Variants in DAPK3 observed in about 807,000 individuals in gnomAD.
DAPK3 encodes the protein death associated protein kinase 3, also known as death-associated protein kinase 3.
DAPK3 carries 24 observed loss-of-function variants against 30.6 expected under a neutral mutation model. The observed-to-expected ratio is 0.78, with a 90% CI of 0.57 to 1.10. DAPK3 has a LOEUF of 1.10. DAPK3 is among the 50% of genes least tolerant of loss of function. The probability of loss-of-function intolerance (pLI) is 0.00; values close to 1 mark genes in which losing one functional copy is unlikely to be tolerated. For missense variants in DAPK3, 629 were observed against 657.3 expected (o/e 0.96, Z 0.47); for synonymous variants, 341 against 284.0 (o/e 1.20, Z -2.02).
Position 3,961,177 on chromosome 19 carries a change from G to A in DAPK3, c.630-16C>T, listed in dbSNP as rs1019834851. 4.4e-6 allele frequency: 7 copies of A among 1,606,300 alleles called. No homozygotes were observed. The highest frequency in any genetic ancestry group is 5.9e-6 in the Non-Finnish European group (7 of 1,176,524). ...ACCGCTCAGGCTGCGAGACAGGCGTGGGGGCTCAGTGGGGTCCTGGGCTCC... is the reference window on the plus strand; with the variant it reads ...ACCGCTCAGGCTGCGAGACAGGCGTAGGGGCTCAGTGGGGTCCTGGGCTCC... On this transcript the variant is annotated splice_polypyrimidine_tract_variant and intron_variant, in intron 6 of 8. Coordinates refer to ENST00000545797, the MANE Select transcript of DAPK3 (RefSeq NM_001348.3).
chr19:3,960,288 T>C (rs2039495267), intron 7 of DAPK3, among the ~76,000 whole-genome samples, 184 bp from the exon 8 acceptor site: 1 of 151,924 alleles, frequency 6.6e-6, no homozygotes, highest in South Asian at 2.1e-4. Flanking sequence ...TGGAGAGAGC[T>C]GAGACCTCAG....
At chr19:3,959,914 G>C (rs1200077422) in intron 8 of DAPK3, 145 bp downstream of exon 8, 3 of 694,350 alleles carry the variant, frequency 4.3e-6, no homozygotes, top group Non-Finnish European at 7.7e-6. Context: ...CCCAACCCCC[G>C]CCACACAGGC....
Position 3,963,674 on chromosome 19 carries a change from G to T in DAPK3, c.603-5C>A. ...TAGGTGATGACACCGATGCTCCTGGGGACAGACAAGAGGCAAGGGTCAGCG... is the reference window on the plus strand; with the variant it reads ...TAGGTGATGACACCGATGCTCCTGGTGACAGACAAGAGGCAAGGGTCAGCG... On this transcript the variant is annotated splice_polypyrimidine_tract_variant and splice_region_variant and intron_variant, in intron 5 of 8. Transcript: ENST00000545797. 2 of 1,536,420 alleles carry T rather than the reference G, an allele frequency of 1.3e-6. No homozygotes were observed. Among genetic ancestry groups the T allele is most frequent in the Non-Finnish European group, 1.8e-6 (2 of 1,141,920 alleles).
intron 2 of DAPK3, among the ~76,000 whole-genome samples, chr19:3,967,329 A>G (rs571450127): frequency 6.6e-6 from 1 of 152,258 alleles, no homozygotes; most frequent in Admixed American, 6.5e-5. Flanking sequence ...GCAGGCATCT[A>G]TAATCCCAGC....
In DAPK3 at chr19:3,959,337, C is replaced by A; in HGVS notation, c.1129G>T (p.Asp377Tyr). 6.3e-7 allele frequency: 1 copy of A among 1,591,030 alleles called. No homozygotes were observed. Among genetic ancestry groups the A allele is most frequent in the East Asian group, 2.2e-5 (1 of 44,534 alleles). The stretch of plus-strand genomic sequence containing the variant: ...AGCTCCTGCCGTAGCCTCCGCAGGT[C>A]CTGGCCCAGGCTGTCGCTCTCCTCG... ...YREESDSLGQ[D>Y]LRRLRQELLK... Residue 377 changes from aspartate to tyrosine, a missense_variant, in exon 9 of 9, where the codon GAC becomes TAC. Physicochemically the swap from Asp to Tyr is radical, Grantham distance 160 (BLOSUM62 -3). This residue lies in a region of DAPK3 where 323 missense variants were observed against 278.8 expected (regional missense o/e 1.16). Coordinates refer to ENST00000545797, the MANE Select transcript of DAPK3 (RefSeq NM_001348.3).
In DAPK3 at chr19:3,963,799, AT is replaced by A. The variant is rs934829420; in HGVS notation, c.602+71del. ...CCCAACAGCAGCAAGGCCCCGCTTC[AT>A]CCCCAGCTGCAGCACTGGCCTGCGC... On this transcript the variant is annotated intron_variant, in intron 5 of 8. Coordinates refer to ENST00000545797, the MANE Select transcript of DAPK3 (RefSeq NM_001348.3). 53 of 1,262,848 alleles carry A rather than the reference AT, an allele frequency of 4.2e-5. No individual in the cohort carries two copies. The Admixed American group carries it at 9.9e-4, about 24-fold the overall frequency. The allele number at this position is 1,262,848 out of a possible 1,614,324, so 78.2% of individuals were successfully genotyped here.
In DAPK3 at chr19:3,958,884, G is replaced by A. The variant is rs2145326272; in HGVS notation, c.*217C>T. On this transcript the variant is annotated 3_prime_UTR_variant, in exon 9 of 9. Transcript: ENST00000545797. ...CGACGATGCAGGGGTGAAGGTGAAG[G>A]CCAGCGTGGAGGCTGTGTAGAGAAG... is the stretch of plus-strand genomic sequence containing the variant. 5.1e-6 allele frequency: 3 copies of A among 582,976 alleles called. No homozygotes were observed. Among genetic ancestry groups the A allele is most frequent in the South Asian group, 2.1e-5 (1 of 48,060 alleles). 36.1% of individuals were successfully genotyped at this position (582,976 alleles called of 1,614,324 possible).
Position 3,964,635 on chromosome 19 carries a change from A to C in DAPK3, c.419T>G (p.Leu140Arg). 6.4e-7 allele frequency: 1 copy of C among 1,572,782 alleles called. No homozygotes were observed. Among genetic ancestry groups the C allele is most frequent in the South Asian group, 1.1e-5 (1 of 90,382 alleles). Residue 140 changes from leucine (L) to arginine (R), a missense_variant, in exon 3 of 9, where the codon CTG becomes CGG. By Grantham distance (102) the Leu-to-Arg change is moderately radical (BLOSUM62 -2). Coordinates refer to ENST00000545797, the MANE Select transcript of DAPK3 (RefSeq NM_001348.3). The stretch of plus-strand genomic sequence containing the variant: ...ACAGGGCCCTACAGGGCTCACCTTC[A>C]GGTCAAAGTGTGCGATGCGCTTAGA... ...LHSKRIAHFD[L>R]KPENIMLLDK...
At chr19:3,962,289 T>G (rs1435119255) in intron 6 of DAPK3, among the ~76,000 whole-genome samples, 2 of 152,230 alleles carry the variant, frequency 1.3e-5, no homozygotes, top group African/African-American at 4.8e-5. Context: ...TGTTGCTCCT[T>G]TGTAAGTCTG....
chr19:3,969,462 C>A (rs2039612977), intron 2 of DAPK3, among the ~76,000 whole-genome samples: 3 of 152,278 alleles, frequency 2.0e-5, no homozygotes, highest in African/African-American at 7.2e-5. Flanking sequence ...TACTTTTCTC[C>A]CCACAGGAAA....
At chr19:3,966,704 C>A (rs1363731683) in intron 2 of DAPK3, among the ~76,000 whole-genome samples, 1 of 152,208 alleles carries the variant, frequency 6.6e-6, no homozygotes, top group African/African-American at 2.4e-5. Flanking sequence ...GTCACACCTG[C>A]GGCCGCTGCA....
rs914196925 is a variant in DAPK3 at position 3,962,775 on chromosome 19, G to A, written c.629+868C>T. Among the ~76,000 whole-genome samples the A allele has an allele frequency of 7.6e-3, 546 of 72,012 alleles. 5 individuals are homozygous for A. The highest frequency in any genetic ancestry group is 0.029 in the African/African-American group (523 of 18,226). 47.2% of individuals were successfully genotyped at this position (72,012 alleles called of 152,430 possible). A position where few individuals can be genotyped will look rare whatever the true frequency, so the allele number is the denominator to read the frequency against. On this transcript the variant is annotated intron_variant, in intron 6 of 8. Transcript: ENST00000545797. ...TTCATCCAGCCTGGGCAACAAGAGC[G>A]AAACTCTGTCTCAAAAAAAAAAAAA... is the stretch of plus-strand genomic sequence containing the variant.
In DAPK3 at chr19:3,958,677, C is replaced by G; in HGVS notation, c.*424G>C. 4 of 373,638 alleles carry G rather than the reference C, an allele frequency of 1.1e-5. No homozygotes were observed. The highest frequency in any genetic ancestry group is 7.9e-5 in the South Asian group (4 of 50,460). The allele number at this position is 373,638 out of a possible 1,614,324, so 23.1% of individuals were successfully genotyped here. On this transcript the variant is annotated 3_prime_UTR_variant, in exon 9 of 9. Coordinates refer to ENST00000545797, the MANE Select transcript of DAPK3 (RefSeq NM_001348.3). ...CGCCGTCCATCCCACCCTCCCCGTC[C>G]CACGACCTCCTCCTGGGCTAATGGC...
rs749691110 is a variant in DAPK3 at position 3,959,243 on chromosome 19, C to A, written c.1223G>T (p.Gly408Val). 1.3e-6 allele frequency: 2 copies of A among 1,599,426 alleles called. No homozygotes were observed. Among genetic ancestry groups the A allele is most frequent in the Non-Finnish European group, 1.7e-6 (2 of 1,178,198 alleles). ...EAKGALLGTS[G>V]LKRRFSRLEN... ...CAGGCGGCTGAAGCGGCGCTTGAGG[C>A]CGCTGGTCCCCAGCAGCGCGCCCTT... The change falls in exon 9 of 9, where the codon GGC (glycine) becomes GTC (valine). Residue 408 changes from glycine (G) to valine (V), a missense_variant. Coordinates refer to ENST00000545797, the MANE Select transcript of DAPK3 (RefSeq NM_001348.3).
At chr19:3,962,225 T>C (rs2039524297) in intron 6 of DAPK3, among the ~76,000 whole-genome samples, 1 of 152,220 alleles carries the variant, frequency 6.6e-6, no homozygotes, top group African/African-American at 2.4e-5. Flanking sequence ...TTCGTGTTCA[T>C]GAAAAATGTA....
chr19:3,963,895 G>C lies in DAPK3; in HGVS notation c.578C>G (p.Pro193Arg). Residue 193 changes from proline to arginine, a missense_variant, in exon 5 of 9, where the codon CCG becomes CGG. By Grantham distance (103) the Pro-to-Arg change is moderately radical (BLOSUM62 -2). Coordinates refer to ENST00000545797, the MANE Select transcript of DAPK3 (RefSeq NM_001348.3). ...CCACATGTCCGCCTCCAGGCCCAGCGGCTCATAGTTCACAATCTCTGGGGC... is the reference window on the plus strand; with the variant it reads ...CCACATGTCCGCCTCCAGGCCCAGCCGCTCATAGTTCACAATCTCTGGGGC... ...FVAPEIVNYE[P>R]LGLEADMWSI... is the part of the protein sequence containing the mutation. 6.2e-7 allele frequency: 1 copy of C among 1,604,626 alleles called. No homozygotes were observed. Among genetic ancestry groups the C allele is most frequent in the Admixed American group, 1.7e-5 (1 of 59,686 alleles).
chr19:3,963,069 C>G lies in DAPK3; in HGVS notation c.629+574G>C, dbSNP rs536588166. ...GTGAGCAGCTGAGATCGCACCACTG[C>G]ACTCCAACCTGGACAACAAGAGCAA... is the stretch of plus-strand genomic sequence containing the variant. On this transcript the variant is annotated intron_variant, in intron 6 of 8. Transcript: ENST00000545797. Among the ~76,000 whole-genome samples, 13 of 151,102 alleles carry G rather than the reference C, an allele frequency of 8.6e-5. No homozygotes were observed. In the South Asian group the frequency reaches 2.7e-3, roughly 32 times the overall value.
At chr19:3,968,869 G>A (rs956186843) in intron 2 of DAPK3, among the ~76,000 whole-genome samples, 5 of 152,186 alleles carry the variant, frequency 3.3e-5, no homozygotes, top group African/African-American at 9.7e-5. Context: ...AAGGCTGGAG[G>A]CTCTACAAAA....
chr19:3,968,500 T>C (rs991028397), intron 2 of DAPK3, among the ~76,000 whole-genome samples: 2 of 152,046 alleles, frequency 1.3e-5, no homozygotes, highest in African/African-American at 4.8e-5. Context: ...GCTGTTATTC[T>C]GGTAAACGTT....
Sources: allele counts gnomAD v4.1 joint callset (sites outside exome capture counted in the v4.1 genomes callset), GRCh38; gene constraint gnomAD v4.1.1; regional missense constraint gnomAD v4.1.1; transcripts MANE v1.5; gene names NCBI Gene and HGNC (gene_info 2026-07-23, HGNC 2026-07-21).